Variants in PRR5L observed in about 807,000 individuals in gnomAD.
The protein encoded by PRR5L is proline rich 5 like, also known as proline-rich protein 5-like.
In PRR5L, 21 loss-of-function variants were observed where a neutral mutation model predicts 36.4. The ratio of observed to expected loss-of-function variants is 0.58; its 90% CI spans 0.41 to 0.83. The LOEUF (loss-of-function observed/expected upper bound fraction) is 0.83, where lower values mean the gene tolerates loss of function less well. Among genes scored for constraint, PRR5L ranks in the 40% least tolerant of loss-of-function variants. The pLI is 0.00. For missense variants in PRR5L, 381 were observed against 473.3 expected (o/e 0.80, Z 1.81); for synonymous variants, 188 against 197.0 (o/e 0.95, Z 0.38).
intron 3 of PRR5L, among the ~76,000 whole-genome samples, chr11:36,405,842 C>T (rs1233663383): frequency 1.3e-5 from 2 of 152,118 alleles, no homozygotes; most frequent in African/African-American, 4.8e-5. Flanking sequence ...TACACATGAC[C>T]TCTTTTGTAC....
chr11:36,333,166 C>T (rs1029949049), intron 1 of PRR5L, among the ~76,000 whole-genome samples: 1 of 152,076 alleles, frequency 6.6e-6, no homozygotes, highest in African/African-American at 2.4e-5. Flanking sequence ...TTATTTTTTA[C>T]TCATATAAAA....
intron 1 of PRR5L, among the ~76,000 whole-genome samples, chr11:36,331,387 T>C (rs982966176): frequency 1.3e-5 from 2 of 152,184 alleles, no homozygotes; most frequent in Admixed American, 6.5e-5. Context: ...TTGTCAAAAA[T>C]GTCAAAAAGT....
Position 36,422,396 on chromosome 11 carries a change from G to A in PRR5L, c.294+3093G>A, listed in dbSNP as rs567479914. Among the ~76,000 whole-genome samples, 20 of 152,308 alleles carry A rather than the reference G, an allele frequency of 1.3e-4. No individual in the cohort carries two copies. The South Asian group carries it at 4.1e-3, about 32-fold the overall frequency. On this transcript the variant is annotated intron_variant, in intron 4 of 8. Coordinates refer to ENST00000530639, the MANE Select transcript of PRR5L (RefSeq NM_001160167.2). ...AGGAATGGAACCCAGGGGTGGACAG[G>A]AAAGTCACCAAAACCATGGACCTGG...
intron 1 of PRR5L, among the ~76,000 whole-genome samples, chr11:36,310,465 T>C (rs918780092): frequency 6.7e-6 from 1 of 149,494 alleles, no homozygotes; most frequent in Non-Finnish European, 1.5e-5. Context: ...GAGACAAGGA[T>C]ACAAATGCAA....
chr11:36,442,487 G>A (rs556622526), intron 6 of PRR5L, among the ~76,000 whole-genome samples: 5 of 152,004 alleles, frequency 3.3e-5, no homozygotes, highest in South Asian at 2.1e-4. Flanking sequence ...GATTACAGGC[G>A]CCTGCCACCA....
intron 1 of PRR5L, among the ~76,000 whole-genome samples, chr11:36,358,810 T>G (rs1857055149): frequency 6.6e-6 from 1 of 152,178 alleles, no homozygotes. Context: ...GAAAAAGGGC[T>G]GGCAAAGGGG....
At chr11:36,451,929 C>T (rs898703907) in intron 8 of PRR5L, among the ~76,000 whole-genome samples, 26 of 152,154 alleles carry the variant, frequency 1.7e-4, no homozygotes, top group African/African-American at 6.3e-4. Context: ...GTACCAGGCA[C>T]CATGGAAAAT....
intron 1 of PRR5L, among the ~76,000 whole-genome samples, chr11:36,371,912 G>T (rs1361279794): frequency 3.9e-5 from 6 of 152,216 alleles, no homozygotes; most frequent in Non-Finnish European, 8.8e-5. Context: ...AACAAAATTA[G>T]CTGTGTGTGG....
intron 4 of PRR5L, among the ~76,000 whole-genome samples, chr11:36,421,320 GT>G (rs1858260958): frequency 1.3e-5 from 2 of 152,110 alleles, no homozygotes; most frequent in Admixed American, 1.3e-4. Flanking sequence ...AAGCCTTGAG[GT>G]TTTTGGGGGC....
chr11:36,420,663 T>G (rs1299420749), intron 4 of PRR5L, among the ~76,000 whole-genome samples: 1 of 152,218 alleles, frequency 6.6e-6, no homozygotes, highest in Non-Finnish European at 1.5e-5. Context: ...ACATCTTGGT[T>G]TCAAGTTAGC....
intron 3 of PRR5L, among the ~76,000 whole-genome samples, chr11:36,404,268 CTTTTTTTT>C (rs869208636): frequency 7.1e-5 from 7 of 98,010 alleles, no homozygotes; most frequent in Non-Finnish European, 1.2e-4. Flanking sequence ...TCCATCAGGT[CTTTTTTTT>C]TTTTTTTTTT....
intron 1 of PRR5L, among the ~76,000 whole-genome samples, chr11:36,333,572 C>T (rs1264710511): frequency 6.6e-6 from 1 of 152,132 alleles, no homozygotes; most frequent in Non-Finnish European, 1.5e-5. Flanking sequence ...ATTTATAGAA[C>T]AGCATGGATT....
At chr11:36,325,691 C>G (rs114399094) in intron 1 of PRR5L, among the ~76,000 whole-genome samples, 14,198 of 152,162 alleles carry the variant, frequency 0.093, 1,180 homozygotes, top group African/African-American at 0.23. Flanking sequence ...GGTGGATGCC[C>G]TCACCTTCCC....
chr11:36,457,676 A>G (rs375791864), intron 8 of PRR5L, among the ~76,000 whole-genome samples: 2 of 152,140 alleles, frequency 1.3e-5, no homozygotes, highest in African/African-American at 4.8e-5. Flanking sequence ...AAATAATGTC[A>G]CTACTGTCTA....
At chr11:36,460,304 GC>G (rs1235981042) in intron 8 of PRR5L, among the ~76,000 whole-genome samples, 3 of 152,260 alleles carry the variant, frequency 2.0e-5, no homozygotes, top group South Asian at 2.1e-4. Context: ...GGTGGAGGTT[GC>G]CCCTTCAGCA....
At chr11:36,382,343 A>G (rs1254164391) in intron 1 of PRR5L, among the ~76,000 whole-genome samples, 7 of 152,180 alleles carry the variant, frequency 4.6e-5, no homozygotes, top group Non-Finnish European at 8.8e-5. Flanking sequence ...TTGCTCAGTT[A>G]TTCTGGGCCT....
chr11:36,308,154 G>A (rs1390108857), intron 1 of PRR5L, among the ~76,000 whole-genome samples: 2 of 152,206 alleles, frequency 1.3e-5, no homozygotes, highest in Non-Finnish European at 2.9e-5. Context: ...GGATGTTGTA[G>A]AGTTGAAAGG....
At chr11:36,348,920 C>T (rs1011669546) in intron 1 of PRR5L, among the ~76,000 whole-genome samples, 10 of 152,078 alleles carry the variant, frequency 6.6e-5, no homozygotes, top group Admixed American at 2.0e-4. Flanking sequence ...CAGGGCCAAG[C>T]GGGGTATCAG....
At chr11:36,333,276 G>C (rs997346734) in intron 1 of PRR5L, among the ~76,000 whole-genome samples, 1 of 152,110 alleles carries the variant, frequency 6.6e-6, no homozygotes, top group African/African-American at 2.4e-5. Flanking sequence ...ACTCCTATTC[G>C]CTGCTCGTGG....
Sources: gnomAD v4.1 joint callset for allele counts (sites outside exome capture counted in the v4.1 genomes callset) on GRCh38, gnomAD v4.1.1 for gene constraint, MANE v1.5 for transcripts, NCBI Gene and HGNC (gene_info 2026-07-23, HGNC 2026-07-21) for gene names.